TMEM268: variants seen among roughly 807,000 people sequenced by gnomAD.
The protein encoded by TMEM268 is transmembrane protein C9orf91.
In TMEM268, 24 loss-of-function variants were observed where a neutral mutation model predicts 39.1. The observed-to-expected ratio is 0.61, with a 90% CI of 0.44 to 0.86. The LOEUF (loss-of-function observed/expected upper bound fraction) is 0.86. Ranked by LOEUF, TMEM268 falls within the 40% of genes least tolerant of loss-of-function variation. TMEM268 has a pLI of 0.00. For missense variants in TMEM268, 409 were observed against 428.6 expected (o/e 0.95, Z 0.40); for synonymous variants, 176 against 173.5 (o/e 1.01, Z -0.12).
chr9:114,639,275 G>A (rs1489818660), intron 8 of TMEM268, among the ~76,000 whole-genome samples: 2 of 152,020 alleles, frequency 1.3e-5, no homozygotes. Flanking sequence ...AGTTGGGACT[G>A]TAGGCATGTG....
intron 5 of TMEM268, 55 bp from the exon 6 acceptor site, chr9:114,633,713 G>C (rs1846504691): frequency 2.1e-6 from 2 of 945,946 alleles, no homozygotes; most frequent in Admixed American, 4.9e-5. Context: ...CCCAGAGCCT[G>C]GGAGCTCCCC....
intron 1 of TMEM268, among the ~76,000 whole-genome samples, chr9:114,615,782 C>T (rs1845680873): frequency 6.6e-6 from 1 of 151,930 alleles, no homozygotes; most frequent in Non-Finnish European, 1.5e-5. Context: ...CTCCGCCTCC[C>T]AGGTTCAAGT....
chr9:114,641,581 G>A (rs1021304426), intron 8 of TMEM268, among the ~76,000 whole-genome samples: 2 of 152,140 alleles, frequency 1.3e-5, no homozygotes, highest in African/African-American at 4.8e-5. Flanking sequence ...ACACTGTAGG[G>A]AGGCCAAGGC....
chr9:114,623,553 A>C (rs1222878116), intron 2 of TMEM268, among the ~76,000 whole-genome samples: 1 of 151,500 alleles, frequency 6.6e-6, no homozygotes, highest in Non-Finnish European at 1.5e-5. Context: ...CTCTGGGGAG[A>C]ATCCATTTCC....
At chr9:114,624,317 C>T (rs887581310) in intron 2 of TMEM268, 33 bp from the exon 3 acceptor site, 74 of 1,567,288 alleles carry the variant, frequency 4.7e-5, no homozygotes, top group Non-Finnish European at 5.5e-5. Flanking sequence ...ATGGTTATCA[C>T]TCAGCCAGAT....
At chr9:114,620,250 AC>A (rs1845894845) in intron 2 of TMEM268, among the ~76,000 whole-genome samples, 1 of 151,688 alleles carries the variant, frequency 6.6e-6, no homozygotes, top group Non-Finnish European at 1.5e-5. Flanking sequence ...TTAGTTACTT[AC>A]TTATTTTTTT....
intron 2 of TMEM268, among the ~76,000 whole-genome samples, chr9:114,618,938 G>T (rs1650523422): frequency 6.6e-6 from 1 of 152,206 alleles, no homozygotes; most frequent in Non-Finnish European, 1.5e-5. Flanking sequence ...GCCCATAGTA[G>T]ATGCTCAATC....
chr9:114,608,025 C>A (rs1345095691), upstream of TMEM268, among the ~76,000 whole-genome samples: 2 of 152,120 alleles, frequency 1.3e-5, no homozygotes, highest in Admixed American at 6.5e-5. Flanking sequence ...GGGCCCACCA[C>A]AAGGACCTTG....
At chr9:114,614,736 C>G (rs992515467) in intron 1 of TMEM268, among the ~76,000 whole-genome samples, 2 of 152,096 alleles carry the variant, frequency 1.3e-5, no homozygotes, top group Non-Finnish European at 2.9e-5. Context: ...GGTGTGTCAT[C>G]CCAGGGGACA....
chr9:114,628,185 G>T lies in TMEM268; in HGVS notation c.409G>T (p.Val137Leu). The change falls in exon 5 of 9, where the codon GTG becomes TTG. Residue 137 changes from valine (V) to leucine (L), a missense_variant. Val to Leu is a conservative substitution (Grantham distance 32). Transcript: ENST00000288502. ...GAACCACTGGGCTGGCATGCTGCTCGTGACCCTGGCCGCGGTGAGCCTGAC... is the reference window on the plus strand; with the variant it reads ...GAACCACTGGGCTGGCATGCTGCTCTTGACCCTGGCCGCGGTGAGCCTGAC... Reference protein sequence around the residue: ...LGNHWAGMLLVTLAAVSLTLT... With the variant: ...LGNHWAGMLLLTLAAVSLTLT... 6.2e-7 allele frequency: 1 copy of T among 1,614,162 alleles called. No homozygotes were observed. The highest frequency in any genetic ancestry group is 8.5e-7 in the Non-Finnish European group (1 of 1,180,032).
At chr9:114,639,214 T>G (rs1846783067) in intron 8 of TMEM268, among the ~76,000 whole-genome samples, 1 of 152,132 alleles carries the variant, frequency 6.6e-6, no homozygotes, top group African/African-American at 2.4e-5. Context: ...CTGCTCATTA[T>G]GGCCTCAACT....
chr9:114,608,091 C>T (rs1215600578), upstream of TMEM268, among the ~76,000 whole-genome samples: 1 of 152,174 alleles, frequency 6.6e-6, no homozygotes, highest in Non-Finnish European at 1.5e-5. Context: ...GACTGGATTT[C>T]ACCCTACTTT....
chr9:114,632,937 C>T (rs1459917268), intron 5 of TMEM268, among the ~76,000 whole-genome samples: 2 of 152,190 alleles, frequency 1.3e-5, no homozygotes, highest in East Asian at 3.9e-4. Context: ...GGCTTTATCC[C>T]AGGGCTGTCT....
chr9:114,624,411 CT>C lies in TMEM268; in HGVS notation c.170del (p.Phe57SerfsTer35). On this transcript the variant is annotated frameshift_variant, in exon 3 of 9. Coordinates refer to ENST00000288502, the MANE Select transcript of TMEM268 (RefSeq NM_153045.4). LOFTEE classifies it high-confidence loss of function. ...TTGACAATACCTGTGCACCCATCTCCTTCGACCTGGGAGCCGCAGAAGAGCA... is the reference window on the plus strand; with the variant it reads ...TTGACAATACCTGTGCACCCATCTCCTCGACCTGGGAGCCGCAGAAGAGCA... ...RIDNTCAPISFDLGAAEEQLQ... is the reference protein window; with the variant it reads ...RIDNTCAPISXDLGAAEEQLQ... 6.3e-7 allele frequency: 1 copy of C among 1,599,878 alleles called. No homozygotes were observed. Among genetic ancestry groups the C allele is most frequent in the Non-Finnish European group, 8.5e-7 (1 of 1,172,354 alleles).
the TMEM268 span, among the ~76,000 whole-genome samples, chr9:114,604,541 G>A: frequency 7.6e-6 from 1 of 131,738 alleles, no homozygotes. Flanking sequence ...GATCGAGATC[G>A]CACCACTGCA....
At chr9:114,614,888 C>T (rs1003839138) in intron 1 of TMEM268, among the ~76,000 whole-genome samples, 3 of 139,734 alleles carry the variant, frequency 2.1e-5, no homozygotes, top group African/African-American at 7.8e-5. Context: ...ACAGGTGTCA[C>T]TGCCTTTTTT....
At chr9:114,630,200 C>T (rs73656161) in intron 5 of TMEM268, among the ~76,000 whole-genome samples, 3,500 of 152,232 alleles carry the variant, frequency 0.023, 150 homozygotes, top group African/African-American at 0.08. Flanking sequence ...TTGTCAGGGC[C>T]GCACAGCCAG....
chr9:114,633,562 T>C (rs1846496183), intron 5 of TMEM268, among the ~76,000 whole-genome samples: 1 of 152,148 alleles, frequency 6.6e-6, no homozygotes. Flanking sequence ...CCTGCCTTAG[T>C]CTCTCAAAAC....
intron 8 of TMEM268, among the ~76,000 whole-genome samples, chr9:114,642,499 A>G (rs7041824): frequency 0.18 from 26,655 of 151,818 alleles, 2,499 homozygotes; most frequent in South Asian, 0.28. Flanking sequence ...TCCTCTCCCC[A>G]CCTCCACATT....
Sources: gnomAD v4.1 joint callset for allele counts (sites outside exome capture counted in the v4.1 genomes callset) on GRCh38, gnomAD v4.1.1 for gene constraint, MANE v1.5 for transcripts, NCBI Gene and HGNC (gene_info 2026-07-23, HGNC 2026-07-21) for gene names.